The following TBC1D5 variants were observed in gnomAD, a reference collection of about 807,000 sequenced individuals.
TBC1D5 encodes TBC1 domain family member 5.
In TBC1D5, 75 loss-of-function variants were observed where a neutral mutation model predicts 100.3. That is an observed-to-expected ratio of 0.75 (90% CI 0.62 to 0.91). The LOEUF (loss-of-function observed/expected upper bound fraction) is 0.91. Among genes scored for constraint, TBC1D5 ranks in the 40% least tolerant of loss-of-function variants. TBC1D5 has a pLI of 0.00. For synonymous variants in TBC1D5, 323 were observed against 325.6 expected, an observed-to-expected ratio of 0.99 and a Z score of 0.09; for missense variants, 910 against 942.4, an observed-to-expected ratio of 0.97 and a Z score of 0.45.
intron 3 of TBC1D5, among the ~76,000 whole-genome samples, chr3:17,445,449 G>A (rs1467993656): frequency 6.6e-6 from 1 of 151,438 alleles, no homozygotes; most frequent in Non-Finnish European, 1.5e-5. Context: ...TAATATATAA[G>A]CCTCAATATT....
At chr3:17,336,316 C>T (rs1446332650) in intron 13 of TBC1D5, among the ~76,000 whole-genome samples, 1 of 152,018 alleles carries the variant, frequency 6.6e-6, no homozygotes, top group East Asian at 1.9e-4. Context: ...GCATGTTTCT[C>T]CATTTATGAA....
intron 15 of TBC1D5, among the ~76,000 whole-genome samples, chr3:17,273,760 T>A (rs2079671438): frequency 6.8e-6 from 1 of 147,464 alleles, no homozygotes; most frequent in Admixed American, 6.9e-5. Flanking sequence ...TGAGCTGAGA[T>A]CGCGCCACTG....
chr3:17,404,422 A>G (rs776422017), intron 7 of TBC1D5, among the ~76,000 whole-genome samples: 3 of 151,998 alleles, frequency 2.0e-5, no homozygotes, highest in Non-Finnish European at 4.4e-5. Flanking sequence ...TTTTATTCTC[A>G]TCTTTATGGT....
chr3:17,334,505 T>C (rs2087377730), intron 13 of TBC1D5, among the ~76,000 whole-genome samples: 1 of 152,124 alleles, frequency 6.6e-6, no homozygotes. Context: ...CAAAGATGGC[T>C]AAGTAACTTG....
At chr3:17,736,421 A>AC (rs2076970432) in intron 1 of TBC1D5, among the ~76,000 whole-genome samples, 1 of 152,058 alleles carries the variant, frequency 6.6e-6, no homozygotes, top group East Asian at 1.9e-4. Flanking sequence ...TTCCTAAGTC[A>AC]CCCCATCTAT....
chr3:17,367,461 A>G (rs562599602), intron 13 of TBC1D5, among the ~76,000 whole-genome samples: 2 of 152,220 alleles, frequency 1.3e-5, no homozygotes, highest in Non-Finnish European at 2.9e-5. Flanking sequence ...TGATGCAGTC[A>G]ATATTTTACT....
intron 19 of TBC1D5, among the ~76,000 whole-genome samples, chr3:17,171,915 G>A (rs1261386942): frequency 1.3e-5 from 2 of 152,158 alleles, no homozygotes; most frequent in African/African-American, 4.8e-5. Context: ...GGCCTGATGT[G>A]CAACACAGCT....
chr3:17,391,339 C>T (rs897076563), intron 8 of TBC1D5, among the ~76,000 whole-genome samples: 1 of 152,004 alleles, frequency 6.6e-6, no homozygotes, highest in Non-Finnish European at 1.5e-5. Context: ...GATACTCCAG[C>T]CATAGTCAAG....
intron 1 of TBC1D5, among the ~76,000 whole-genome samples, chr3:17,700,844 G>T (rs1345747592): frequency 6.6e-6 from 1 of 152,150 alleles, no homozygotes; most frequent in South Asian, 2.1e-4. Flanking sequence ...GTGCTGGAGA[G>T]GATGTGGAGA....
intron 4 of TBC1D5, among the ~76,000 whole-genome samples, chr3:17,423,999 A>T (rs1219068253): frequency 6.6e-6 from 1 of 152,148 alleles, no homozygotes; most frequent in Non-Finnish European, 1.5e-5. Flanking sequence ...GCCAACAAAT[A>T]AGTTATTTTC....
intron 15 of TBC1D5, among the ~76,000 whole-genome samples, chr3:17,264,869 A>G (rs531641018): frequency 6.6e-6 from 1 of 152,348 alleles, no homozygotes; most frequent in East Asian, 1.9e-4. Context: ...ACTGACAGAC[A>G]TGAATCAGAG....
intron 18 of TBC1D5, among the ~76,000 whole-genome samples, chr3:17,210,071 T>A (rs1018394179): frequency 6.6e-6 from 1 of 152,204 alleles, no homozygotes; most frequent in African/African-American, 2.4e-5. Flanking sequence ...ATTCCCAGGG[T>A]ACATGAGAAT....
intron 2 of TBC1D5, among the ~76,000 whole-genome samples, chr3:17,589,158 G>A (rs980053214): frequency 6.6e-6 from 1 of 152,152 alleles, no homozygotes; most frequent in African/African-American, 2.4e-5. Flanking sequence ...AGCTGTATTG[G>A]GTAATTCAAA....
intron 3 of TBC1D5, among the ~76,000 whole-genome samples, chr3:17,449,107 C>T (rs148948914): frequency 4.9e-4 from 75 of 152,282 alleles, no homozygotes; most frequent in Middle Eastern, 3.4e-3. Context: ...CAGCATGGGG[C>T]ACCACCTCAC....
intron 13 of TBC1D5, among the ~76,000 whole-genome samples, chr3:17,349,989 T>C (rs531960771): frequency 6.6e-6 from 1 of 152,310 alleles, no homozygotes; most frequent in Admixed American, 6.5e-5. Flanking sequence ...ATAAATTATA[T>C]TTTATTGTTG....
intron 2 of TBC1D5, among the ~76,000 whole-genome samples, chr3:17,610,285 A>G (rs1440275724): frequency 6.6e-6 from 1 of 152,028 alleles, no homozygotes; most frequent in African/African-American, 2.4e-5. Context: ...CCCAGACTCA[A>G]GTGATCCTCT....
chr3:17,702,676 C>T (rs1243985924), intron 1 of TBC1D5, among the ~76,000 whole-genome samples: 1 of 138,068 alleles, frequency 7.2e-6, no homozygotes, highest in Non-Finnish European at 1.5e-5. Context: ...TTATTTGATT[C>T]ATTGTCATCA....
chr3:17,274,941 G>A (rs2079824393), intron 15 of TBC1D5, among the ~76,000 whole-genome samples: 1 of 152,116 alleles, frequency 6.6e-6, no homozygotes, highest in African/African-American at 2.4e-5. Context: ...CACATTTTCA[G>A]TAAACACTAC....
chr3:17,381,183 C>A (rs1353758031), intron 9 of TBC1D5, among the ~76,000 whole-genome samples: 1 of 151,960 alleles, frequency 6.6e-6, no homozygotes, highest in Non-Finnish European at 1.5e-5. Flanking sequence ...CTTCCATATT[C>A]CTGAGTAGTC....
Sources: allele counts gnomAD v4.1 joint callset (sites outside exome capture counted in the v4.1 genomes callset), GRCh38; gene constraint gnomAD v4.1.1; transcripts MANE v1.5; gene names NCBI Gene and HGNC (gene_info 2026-07-23, HGNC 2026-07-21).